PEX14: variants seen among roughly 807,000 people sequenced by gnomAD.
PEX14 encodes the protein peroxisomal biogenesis factor 14, also known as peroxisomal membrane protein PEX14.
Under a neutral mutation model 49.5 loss-of-function variants are expected in PEX14, and 15 were observed. The ratio of observed to expected loss-of-function variants is 0.30; its 90% CI spans 0.20 to 0.47. The LOEUF is 0.47. Among genes scored for constraint, PEX14 ranks in the 20% least tolerant of loss-of-function variants. The pLI is 1.00. For synonymous variants in PEX14, 210 were observed against 212.7 expected, an observed-to-expected ratio of 0.99 and a Z score of 0.11; for missense variants, 398 against 494.8, an observed-to-expected ratio of 0.80 and a Z score of 1.86.
intron 4 of PEX14, among the ~76,000 whole-genome samples, chr1:10,612,233 G>C (rs1641294441): frequency 6.6e-6 from 1 of 152,104 alleles, no homozygotes; most frequent in African/African-American, 2.4e-5. Context: ...CAGCATGGCT[G>C]TTGCAAAAAT....
chr1:10,480,583 A>T (rs1336297858), intron 1 of PEX14, among the ~76,000 whole-genome samples: 1 of 151,570 alleles, frequency 6.6e-6, no homozygotes, highest in Non-Finnish European at 1.5e-5. Flanking sequence ...TTTAGTAGAG[A>T]TGGGGTTTTG....
chr1:10,555,993 C>G (rs1639477156), intron 3 of PEX14, among the ~76,000 whole-genome samples: 1 of 152,086 alleles, frequency 6.6e-6, no homozygotes, highest in Non-Finnish European at 1.5e-5. Flanking sequence ...CTGGACAAAG[C>G]AGTCCATCTC....
At chr1:10,510,751 T>G (rs1641867924) in intron 2 of PEX14, among the ~76,000 whole-genome samples, 1 of 152,154 alleles carries the variant, frequency 6.6e-6, no homozygotes, top group African/African-American at 2.4e-5. Context: ...GCGATGGAGA[T>G]GATGAGCCAA....
chr1:10,486,946 C>T (rs1641380041), intron 1 of PEX14, among the ~76,000 whole-genome samples: 1 of 151,952 alleles, frequency 6.6e-6, no homozygotes, highest in Admixed American at 6.6e-5. Context: ...CTTGGCCTCC[C>T]AAAGTGCTGG....
intron 3 of PEX14, among the ~76,000 whole-genome samples, chr1:10,576,181 A>G (rs1640110845): frequency 6.6e-6 from 1 of 151,958 alleles, no homozygotes; most frequent in Non-Finnish European, 1.5e-5. Context: ...TGCCTTTTAT[A>G]TTTTTTAATA....
At chr1:10,614,297 G>C (rs189607098) in intron 4 of PEX14, among the ~76,000 whole-genome samples, 18 of 152,228 alleles carry the variant, frequency 1.2e-4, no homozygotes, top group Admixed American at 1.1e-3. Context: ...TGTCTTTATA[G>C]ACTCTCTGAA....
chr1:10,523,628 T>TAA (rs34613906), intron 2 of PEX14, among the ~76,000 whole-genome samples: 124 of 145,762 alleles, frequency 8.5e-4, no homozygotes, highest in African/African-American at 2.9e-3. Context: ...TTGTGTAAGG[T>TAA]AAAAAAAAAA....
chr1:10,562,648 T>C (rs534563899), intron 3 of PEX14, among the ~76,000 whole-genome samples: 7 of 152,216 alleles, frequency 4.6e-5, no homozygotes, highest in Non-Finnish European at 8.8e-5. Flanking sequence ...TTTTGATTTG[T>C]TCTGTGATTT....
chr1:10,500,373 CAAAAAAAAA>C (rs750781683), intron 2 of PEX14, among the ~76,000 whole-genome samples: 177 of 43,682 alleles, frequency 4.1e-3, no homozygotes, highest in Middle Eastern at 0.04. Context: ...GATTCTGTCT[CAAAAAAAAA>C]AAAAAAAAAA....
At chr1:10,612,901 G>A (rs1641311336) in intron 4 of PEX14, among the ~76,000 whole-genome samples, 1 of 152,250 alleles carries the variant, frequency 6.6e-6, no homozygotes, top group Admixed American at 6.5e-5. Context: ...CAACCCTGAT[G>A]AGCCTGGAGG....
intron 3 of PEX14, among the ~76,000 whole-genome samples, chr1:10,555,497 G>T (rs1051622065): frequency 1.4e-4 from 22 of 152,176 alleles, no homozygotes; most frequent in African/African-American, 5.1e-4. Flanking sequence ...TAATTAAACC[G>T]CAGCGTTTAA....
At chr1:10,606,357 C>A (rs1305820809) in intron 4 of PEX14, among the ~76,000 whole-genome samples, 2 of 152,234 alleles carry the variant, frequency 1.3e-5, no homozygotes, top group East Asian at 3.9e-4. Flanking sequence ...TCTAAGGACA[C>A]CTCTTGGAAA....
At chr1:10,554,219 G>A (rs1361782462) in intron 3 of PEX14, among the ~76,000 whole-genome samples, 2 of 151,426 alleles carry the variant, frequency 1.3e-5, no homozygotes, top group Non-Finnish European at 2.9e-5. Context: ...CAGGAGGATG[G>A]CGTGAACCTG....
At chr1:10,622,954 TGA>T in intron 5 of PEX14, 63 bp from the exon 6 acceptor site, 1 of 1,142,204 alleles carries the variant, frequency 8.8e-7, no homozygotes, top group South Asian at 1.3e-5. Context: ...CGGCAGAATT[TGA>T]GAGATTGTTG....
rs1640862229 is a variant in PEX14, at chr1:10,597,501, G to A, written c.170-1737G>A. On this transcript the variant is annotated intron_variant, in intron 3 of 8. Transcript: ENST00000356607. This position sits in a 1 kb window ranked among gnomAD's most constrained non-coding sequence, Gnocchi z 5.7. ...GTTGGTCCTGTCCCTGTTCTTCTTG[G>A]AAGGTGAAATTATGGGTAAAGCAGT... is the stretch of plus-strand genomic sequence containing the variant. Among the ~76,000 whole-genome samples, 1 of 152,174 alleles carries A rather than the reference G, an allele frequency of 6.6e-6. No individual in the cohort carries two copies. Among genetic ancestry groups the A allele is most frequent in the Admixed American group, 6.5e-5 (1 of 15,288 alleles).
At chr1:10,478,273 C>T (rs1460775643) in intron 1 of PEX14, among the ~76,000 whole-genome samples, 1 of 152,136 alleles carries the variant, frequency 6.6e-6, no homozygotes, top group Non-Finnish European at 1.5e-5. Context: ...ATTTAATAAG[C>T]TCTGAGTTTT....
At chr1:10,595,207 A>C (rs145848297) in intron 3 of PEX14, among the ~76,000 whole-genome samples, 29 of 152,252 alleles carry the variant, frequency 1.9e-4, no homozygotes, top group African/African-American at 6.5e-4. Flanking sequence ...TCATTCAAAG[A>C]GTTTGGTTTG....
At chr1:10,567,771 A>G (rs954704880) in intron 3 of PEX14, among the ~76,000 whole-genome samples, 3 of 152,120 alleles carry the variant, frequency 2.0e-5, no homozygotes, top group Admixed American at 1.3e-4. Context: ...CTGACATTAC[A>G]GGTGTGAGCC....
At chr1:10,549,328 A>G (rs946958911) in intron 3 of PEX14, among the ~76,000 whole-genome samples, 2 of 152,356 alleles carry the variant, frequency 1.3e-5, no homozygotes, top group East Asian at 1.9e-4. Flanking sequence ...CCCCAGCTTT[A>G]TAAGTCACAC....
Sources: allele counts gnomAD v4.1 joint callset (sites outside exome capture counted in the v4.1 genomes callset), GRCh38; gene constraint gnomAD v4.1.1; non-coding constraint Gnocchi (gnomAD v3.1); transcripts MANE v1.5; gene names NCBI Gene and HGNC (gene_info 2026-07-23, HGNC 2026-07-21).